The following MACROD2 variants were observed in gnomAD, a reference collection of about 807,000 sequenced individuals.
MACROD2 encodes the protein ADP-ribose glycohydrolase MACROD2.
MACROD2 carries 36 observed loss-of-function variants against 70.4 expected under a neutral mutation model. The observed-to-expected ratio is 0.51, with a 90% CI of 0.39 to 0.68. The LOEUF is 0.68. Among genes scored for constraint, MACROD2 ranks in the 30% least tolerant of loss-of-function variants. The probability of loss-of-function intolerance (pLI) is 0.00; values close to 1 mark genes in which losing one functional copy is unlikely to be tolerated. For missense variants in MACROD2, 496 were observed against 538.4 expected (o/e 0.92, Z 0.78); for synonymous variants, 172 against 178.8 (o/e 0.96, Z 0.30).
intron 5 of MACROD2, among the ~76,000 whole-genome samples, chr20:15,210,287 C>T (rs2076750221): frequency 6.6e-6 from 1 of 152,200 alleles, no homozygotes; most frequent in African/African-American, 2.4e-5. Flanking sequence ...GAGGATTTGT[C>T]CAGTGGGACT....
intron 5 of MACROD2, among the ~76,000 whole-genome samples, chr20:14,822,956 A>C (rs899924188): frequency 6.6e-6 from 1 of 152,084 alleles, no homozygotes; most frequent in Non-Finnish European, 1.5e-5. Flanking sequence ...ATAATCTAGA[A>C]TGTGTGTTTC....
intron 8 of MACROD2, among the ~76,000 whole-genome samples, chr20:15,650,836 C>T (rs1460915222): frequency 6.6e-6 from 1 of 152,120 alleles, no homozygotes; most frequent in African/African-American, 2.4e-5. Flanking sequence ...CTTGCGCTTG[C>T]CATTCCACAC....
intron 3 of MACROD2, among the ~76,000 whole-genome samples, chr20:14,104,451 A>C (rs1238742906): frequency 6.6e-6 from 1 of 152,204 alleles, no homozygotes; most frequent in Non-Finnish European, 1.5e-5. Flanking sequence ...ATGGTGGGGA[A>C]TACAGATGAT....
chr20:15,307,394 T>C (rs923620212), intron 6 of MACROD2, among the ~76,000 whole-genome samples: 1 of 152,204 alleles, frequency 6.6e-6, no homozygotes, highest in Non-Finnish European at 1.5e-5. Context: ...TGTTCAAAAA[T>C]AGTGCAAATA....
intron 3 of MACROD2, among the ~76,000 whole-genome samples, chr20:14,448,717 A>G (rs1044958001): frequency 1.3e-5 from 2 of 152,176 alleles, no homozygotes; most frequent in Middle Eastern, 3.4e-3. Context: ...AGAGACAAAC[A>G]TAACATTGAC....
chr20:15,114,864 A>G (rs2075981049), intron 5 of MACROD2, among the ~76,000 whole-genome samples: 1 of 152,106 alleles, frequency 6.6e-6, no homozygotes, highest in Admixed American at 6.6e-5. Context: ...CAGTGAGGAG[A>G]AAAACACATG....
intron 8 of MACROD2, among the ~76,000 whole-genome samples, chr20:15,679,743 A>G (rs939116680): frequency 2.6e-5 from 4 of 152,120 alleles, no homozygotes; most frequent in African/African-American, 9.7e-5. Flanking sequence ...GAGTCCATCC[A>G]TTGGAGGAAA....
intron 6 of MACROD2, among the ~76,000 whole-genome samples, chr20:15,319,116 T>C (rs1443615369): frequency 6.6e-6 from 1 of 152,152 alleles, no homozygotes; most frequent in African/African-American, 2.4e-5. Flanking sequence ...GTCAGCAAAG[T>C]TGCAGGGCAC....
At chr20:14,403,349 C>T (rs2083658887) in intron 3 of MACROD2, among the ~76,000 whole-genome samples, 1 of 152,060 alleles carries the variant, frequency 6.6e-6, no homozygotes, top group Non-Finnish European at 1.5e-5. Context: ...TGTCTTTTTA[C>T]AGATGTAAGG....
intron 10 of MACROD2, among the ~76,000 whole-genome samples, chr20:15,917,069 T>A (rs1034863979): frequency 1.3e-5 from 2 of 152,220 alleles, no homozygotes; most frequent in Admixed American, 1.3e-4. Flanking sequence ...GGATGTAGTT[T>A]GCAGACCCCT....
intron 3 of MACROD2, among the ~76,000 whole-genome samples, chr20:14,470,141 A>T (rs1247991200): frequency 6.6e-6 from 1 of 151,926 alleles, no homozygotes; most frequent in East Asian, 1.9e-4. Flanking sequence ...GTTGATGTTC[A>T]TGCTATTCCT....
At chr20:15,593,373 T>C (rs2048704288) in intron 8 of MACROD2, among the ~76,000 whole-genome samples, 1 of 152,188 alleles carries the variant, frequency 6.6e-6, no homozygotes, top group African/African-American at 2.4e-5. Context: ...GCTACTGCCA[T>C]TTTCTTTTTC....
At chr20:16,025,353 A>C (rs2067062891) in intron 15 of MACROD2, among the ~76,000 whole-genome samples, 1 of 152,232 alleles carries the variant, frequency 6.6e-6, no homozygotes, top group Non-Finnish European at 1.5e-5. Context: ...AAGCCCAAAC[A>C]GAGGGCAAAG....
chr20:15,077,974 C>A (rs117435781), intron 5 of MACROD2, among the ~76,000 whole-genome samples: 4 of 151,872 alleles, frequency 2.6e-5, no homozygotes, highest in Non-Finnish European at 5.9e-5. Context: ...GGACTCAATG[C>A]GGGGAAAGGG....
At position 14,051,884 on chromosome 20, in the gene MACROD2, A is replaced by G. The variant is rs192433877; in HGVS notation, c.164-33737A>G. ...ATGATCCTTGGTTTCAATATGCCAC[A>G]TCTACTATAAACTTCTGAACCCTCC... On this transcript the variant is annotated intron_variant, in intron 2 of 17. Transcript: ENST00000684519. 9.3e-4 allele frequency: 479 copies of G among 516,000 alleles called. 1 individual carries two copies. The highest frequency in any genetic ancestry group is 8.5e-4 in the Non-Finnish European group (220 of 258,080). The allele number at this position is 516,000 out of a possible 1,614,324, so 32.0% of individuals were successfully genotyped here.
chr20:15,893,988 G>A (rs2064930070), intron 10 of MACROD2: 1 of 450,578 alleles, frequency 2.2e-6, no homozygotes, highest in Admixed American at 2.4e-5. Context: ...AGGAATAGCT[G>A]GGCTCTAGGG....
At chr20:15,789,160 C>A (rs778300036) in intron 8 of MACROD2, among the ~76,000 whole-genome samples, 1 of 152,112 alleles carries the variant, frequency 6.6e-6, no homozygotes, top group Non-Finnish European at 1.5e-5. Context: ...GATTTCTAGC[C>A]ACAGCGAACA....
chr20:15,710,645 A>G (rs1287467220), intron 8 of MACROD2, among the ~76,000 whole-genome samples: 1 of 152,238 alleles, frequency 6.6e-6, no homozygotes, highest in Non-Finnish European at 1.5e-5. Flanking sequence ...CCTGTCAAGT[A>G]GCAGGATTTT....
intron 3 of MACROD2, among the ~76,000 whole-genome samples, chr20:14,223,787 C>T (rs373228159): frequency 3.9e-5 from 6 of 152,196 alleles, no homozygotes; most frequent in South Asian, 2.1e-4. Flanking sequence ...CGTGAGCCAC[C>T]GCGCCTGGCC....
Sources: allele counts gnomAD v4.1 joint callset (sites outside exome capture counted in the v4.1 genomes callset), GRCh38; gene constraint gnomAD v4.1.1; transcripts MANE v1.5; gene names NCBI Gene and HGNC (gene_info 2026-07-23, HGNC 2026-07-21).